RNGTT: variants seen among roughly 807,000 people sequenced by gnomAD.
RNGTT encodes the protein RNA guanylyltransferase and 5'-phosphatase.
RNGTT carries 33 observed loss-of-function variants against 79.3 expected under a neutral mutation model. The observed-to-expected ratio is 0.42, with a 90% confidence interval of 0.32 to 0.56. The LOEUF (loss-of-function observed/expected upper bound fraction) is 0.56, where lower values mean the gene tolerates loss of function less well. RNGTT is among the 20% of genes least tolerant of loss of function. The pLI is 0.17. For missense variants in RNGTT, 497 were observed against 739.1 expected (o/e 0.67, Z 3.80); for synonymous variants, 222 against 235.9 (o/e 0.94, Z 0.54).
intron 6 of RNGTT, among the ~76,000 whole-genome samples, chr6:88,894,557 C>T (rs970581686): frequency 6.6e-6 from 1 of 152,156 alleles, no homozygotes; most frequent in African/African-American, 2.4e-5. Context: ...ATGGCACAGC[C>T]GGCATGCCTT....
intron 4 of RNGTT, among the ~76,000 whole-genome samples, chr6:88,923,032 G>T (rs1407975425): frequency 1.3e-5 from 2 of 152,150 alleles, no homozygotes; most frequent in Non-Finnish European, 1.5e-5. Context: ...GTTAAATCCA[G>T]AGACATAATT....
intron 8 of RNGTT, among the ~76,000 whole-genome samples, chr6:88,864,813 T>C (rs1782117618): frequency 6.6e-6 from 1 of 152,084 alleles, no homozygotes; most frequent in African/African-American, 2.4e-5. Context: ...CTTGAGGGCA[T>C]TATGCTAAGT....
chr6:88,624,495 C>A (rs769508761), intron 14 of RNGTT, among the ~76,000 whole-genome samples: 5 of 151,780 alleles, frequency 3.3e-5, no homozygotes, highest in Non-Finnish European at 7.4e-5. Flanking sequence ...ATAGTCTTTT[C>A]AATAAATGGT....
At chr6:88,662,267 T>C (rs995226805) in intron 14 of RNGTT, among the ~76,000 whole-genome samples, 22 of 152,226 alleles carry the variant, frequency 1.4e-4, no homozygotes, top group East Asian at 5.8e-4. Flanking sequence ...GAACCGTGCC[T>C]GGTAGTTAAA....
intron 13 of RNGTT, among the ~76,000 whole-genome samples, chr6:88,716,830 G>A (rs894116610): frequency 7.2e-5 from 11 of 152,248 alleles, no homozygotes; most frequent in African/African-American, 2.6e-4. Context: ...GGTGGGGGGA[G>A]CAGGGAGGGA....
intron 8 of RNGTT, among the ~76,000 whole-genome samples, chr6:88,873,537 G>A (rs560978556): frequency 1.2e-4 from 19 of 152,214 alleles, no homozygotes; most frequent in Admixed American, 1.1e-3. Flanking sequence ...ATTGTGGAAT[G>A]AATATGTTTT....
intron 7 of RNGTT, among the ~76,000 whole-genome samples, chr6:88,890,985 T>C (rs148599502): frequency 3.2e-4 from 49 of 152,268 alleles, no homozygotes; most frequent in African/African-American, 9.9e-4. Context: ...ACTGCCAACT[T>C]GACATAACTG....
intron 13 of RNGTT, among the ~76,000 whole-genome samples, chr6:88,726,618 A>T (rs926537055): frequency 1.3e-5 from 2 of 152,150 alleles, no homozygotes; most frequent in Non-Finnish European, 2.9e-5. Flanking sequence ...TGGGTGACTG[A>T]AGGAAAAAGA....
chr6:88,954,995 T>A lies in RNGTT; in HGVS notation c.64+8351A>T, dbSNP rs79039192. Among the ~76,000 whole-genome samples, 302 of 151,952 alleles carry A rather than the reference T, an allele frequency of 2.0e-3. 4 individuals are homozygous for A. In the East Asian group the frequency reaches 0.047, roughly 23 times the overall value. Reference sequence around the variant, plus strand: ...ATTGTTTGAACCTGGGAGGCAGAGGTTGCAATGAGCTGAGATCGTACCATT... The same window carrying A: ...ATTGTTTGAACCTGGGAGGCAGAGGATGCAATGAGCTGAGATCGTACCATT... On this transcript the variant is annotated intron_variant, in intron 1 of 15. Coordinates refer to ENST00000369485, the MANE Select transcript of RNGTT (RefSeq NM_003800.5).
At chr6:88,688,393 T>C (rs1429027819) in intron 13 of RNGTT, among the ~76,000 whole-genome samples, 1 of 152,228 alleles carries the variant, frequency 6.6e-6, no homozygotes, top group African/African-American at 2.4e-5. Flanking sequence ...CTTGTTAGTA[T>C]ATGATACATT....
At chr6:88,717,434 A>G (rs1776557586) in intron 13 of RNGTT, among the ~76,000 whole-genome samples, 2 of 152,224 alleles carry the variant, frequency 1.3e-5, no homozygotes, top group African/African-American at 4.8e-5. Context: ...TTTCAATTCA[A>G]CAAGTAATTA....
At chr6:88,741,465 C>T (rs1777490780) in intron 13 of RNGTT, among the ~76,000 whole-genome samples, 1 of 152,026 alleles carries the variant, frequency 6.6e-6, no homozygotes, top group African/African-American at 2.4e-5. Context: ...GAAAGGGATG[C>T]AAAACTGTTG....
In RNGTT at chr6:88,753,725, G is replaced by A. The variant is rs564557935; in HGVS notation, c.1439+16049C>T. Among the ~76,000 whole-genome samples, 3 of 151,714 alleles carry A rather than the reference G, an allele frequency of 2.0e-5. No homozygotes were observed. The East Asian group carries it at 5.8e-4, about 29-fold the overall frequency. On this transcript the variant is annotated intron_variant, in intron 13 of 15. Coordinates refer to ENST00000369485, the MANE Select transcript of RNGTT (RefSeq NM_003800.5). ...TTATATAATTAAAATATAAATGCAAGAAAACTTTTTGAAAGAAAATAAAAA... is the reference window on the plus strand; with the variant it reads ...TTATATAATTAAAATATAAATGCAAAAAAACTTTTTGAAAGAAAATAAAAA...
At chr6:88,619,605 G>A (rs1383861014) in intron 14 of RNGTT, among the ~76,000 whole-genome samples, 2 of 152,186 alleles carry the variant, frequency 1.3e-5, no homozygotes, top group East Asian at 3.8e-4. Flanking sequence ...AAGGAAAGAA[G>A]AACGGGGGTG....
intron 11 of RNGTT, among the ~76,000 whole-genome samples, chr6:88,836,023 C>CACATATATATATAAGATTTACATATAT (rs1554222128): frequency 1.1e-5 from 1 of 92,092 alleles, no homozygotes; most frequent in Non-Finnish European, 2.6e-5. Context: ...CACACACACA[C>CACATATATATATAAGATTTACATATAT]ATATATATAT....
intron 13 of RNGTT, among the ~76,000 whole-genome samples, chr6:88,712,222 A>C (rs1165435465): frequency 1.3e-5 from 2 of 152,232 alleles, no homozygotes; most frequent in African/African-American, 4.8e-5. Context: ...GGCAAAATAA[A>C]ATAAATGCTA....
chr6:88,952,243 T>C (rs1192446923), intron 1 of RNGTT, among the ~76,000 whole-genome samples: 1 of 151,778 alleles, frequency 6.6e-6, no homozygotes, highest in Non-Finnish European at 1.5e-5. Flanking sequence ...CCACCCCCCA[T>C]CCCCTACAGT....
chr6:88,644,968 C>T (rs1773483233), intron 14 of RNGTT, among the ~76,000 whole-genome samples: 1 of 152,148 alleles, frequency 6.6e-6, no homozygotes, highest in South Asian at 2.1e-4. Flanking sequence ...TCTCTCACCA[C>T]TCCTATTCAA....
intron 12 of RNGTT, among the ~76,000 whole-genome samples, chr6:88,771,024 A>G (rs999183227): frequency 2.0e-5 from 3 of 152,032 alleles, no homozygotes; most frequent in Non-Finnish European, 2.9e-5. Context: ...GGATATATGT[A>G]TTACAAATAT....
Sources: allele counts gnomAD v4.1 joint callset (sites outside exome capture counted in the v4.1 genomes callset), GRCh38; gene constraint gnomAD v4.1.1; transcripts MANE v1.5; gene names NCBI Gene and HGNC (gene_info 2026-07-23, HGNC 2026-07-21).